Variants in ACAN observed in about 807,000 individuals in gnomAD.
ACAN encodes the protein aggrecan.
In ACAN, 47 loss-of-function variants were observed where a neutral mutation model predicts 169.1. That is an observed-to-expected ratio of 0.28 (90% CI 0.22 to 0.35). The LOEUF is 0.35. ACAN is among the 10% of genes least tolerant of loss of function. The pLI is 1.00. For missense variants in ACAN, 2,716 were observed against 2,759.9 expected, an observed-to-expected ratio of 0.98 and a Z score of 0.36; for synonymous variants, 1,115 against 1,112.2, an observed-to-expected ratio of 1.00 and a Z score of -0.05.
chr15:88,869,670 C>T lies in ACAN; in HGVS notation c.7060+1341C>T, dbSNP rs959673765. On this transcript the variant is annotated intron_variant, in intron 14 of 18. Transcript: ENST00000560601. The surrounding 1 kb of genome is among the most constrained non-coding windows in gnomAD (Gnocchi z 4.2). The stretch of plus-strand genomic sequence containing the variant: ...GGGCTCTGCTGGAATGGAGGCAGGA[C>T]CCTCACAGGGCTCTGTACCCTGATG... Among the ~76,000 whole-genome samples, 1 of 152,156 alleles carries T rather than the reference C, an allele frequency of 6.6e-6. No homozygotes were observed. Among genetic ancestry groups the T allele is most frequent in the African/African-American group, 2.4e-5 (1 of 41,428 alleles).
rs562539021 is a variant in ACAN at position 88,839,429 on chromosome 15, C to A, written c.454+383C>A. On this transcript the variant is annotated intron_variant, in intron 3 of 18. Transcript: ENST00000560601. This position sits in a 1 kb window ranked among gnomAD's most constrained non-coding sequence, Gnocchi z 4.5. Reference sequence around the variant, plus strand: ...TTCATCCTGGTGTCTTTTCCCTCCCCCTCTCCACTCTTATTCTCAGTTCCA... The same window carrying A: ...TTCATCCTGGTGTCTTTTCCCTCCCACTCTCCACTCTTATTCTCAGTTCCA... Among the ~76,000 whole-genome samples the A allele has an allele frequency of 6.6e-6, 1 of 152,204 alleles. No individual in the cohort carries two copies. The highest frequency in any genetic ancestry group is 6.5e-5 in the Admixed American group (1 of 15,290).
At chr15:88,842,466 G>A (rs1429729044) in intron 5 of ACAN, among the ~76,000 whole-genome samples, 1 of 151,842 alleles carries the variant, frequency 6.6e-6, no homozygotes, top group Non-Finnish European at 1.5e-5. Flanking sequence ...ATATTCCTTT[G>A]TACTTTCCAG....
rs1897345776 is a variant in ACAN, at chr15:88,870,035, C to T, written c.7061-1347C>T. ...TCTCTGGCCTCTTCAGAGTGCTGAG[C>T]TAGTCTGAGGCCTCTCCACCTCTTT... On this transcript the variant is annotated intron_variant, in intron 14 of 18. Transcript: ENST00000560601. This position sits in a 1 kb window ranked among gnomAD's most constrained non-coding sequence, Gnocchi z 6.3. Among the ~76,000 whole-genome samples the T allele has an allele frequency of 6.6e-6, 1 of 152,166 alleles. No homozygotes were observed. The highest frequency in any genetic ancestry group is 1.5e-5 in the Non-Finnish European group (1 of 68,034).
At chr15:88,815,412 A>G (rs1360560409) in intron 1 of ACAN, among the ~76,000 whole-genome samples, 1 of 151,998 alleles carries the variant, frequency 6.6e-6, no homozygotes, top group Non-Finnish European at 1.5e-5. Flanking sequence ...TATAAAAATT[A>G]ACTGGGTGAG....
At chr15:88,836,582 T>A (rs1055086859) in intron 2 of ACAN, among the ~76,000 whole-genome samples, 2 of 152,222 alleles carry the variant, frequency 1.3e-5, no homozygotes, top group African/African-American at 4.8e-5. Flanking sequence ...CAGTGAGGAC[T>A]GCTGCGCACT....
intron 1 of ACAN, among the ~76,000 whole-genome samples, chr15:88,832,404 G>C (rs908511097): frequency 6.6e-6 from 1 of 152,022 alleles, no homozygotes; most frequent in South Asian, 2.1e-4. Flanking sequence ...GAGGACAGGA[G>C]TTCGAGACCA....
rs1350259856 is a variant in ACAN at position 88,868,220 on chromosome 15, T to C, written c.6951T>C (p.Ile2317=). The part of the protein sequence containing the change: ...GYTGEHCNID[I]DECLSSPCLN... ...GTGGCCCTTGGTTTCTTGCAGACATTGATGAGTGCCTCTCAAGCCCTTGTC... is the reference window on the plus strand; with the variant it reads ...GTGGCCCTTGGTTTCTTGCAGACATCGATGAGTGCCTCTCAAGCCCTTGTC... Residue 2317 remains isoleucine, a synonymous_variant, in exon 14 of 19, where the codon ATT becomes ATC. Transcript: ENST00000560601. The surrounding 1 kb of genome is among the most constrained non-coding windows in gnomAD (Gnocchi z 5.2). 1 of 702,490 alleles carries C rather than the reference T, an allele frequency of 1.4e-6. No homozygotes were observed. Among genetic ancestry groups the C allele is most frequent in the African/African-American group, 1.7e-5 (1 of 57,366 alleles). The allele number at this position is 702,490 out of a possible 1,614,324, so 43.5% of individuals were successfully genotyped here.
At chr15:88,865,144 C>T (rs1414972567) in intron 13 of ACAN, among the ~76,000 whole-genome samples, 1 of 152,206 alleles carries the variant, frequency 6.6e-6, no homozygotes, top group Non-Finnish European at 1.5e-5. Context: ...GCTGGAGGGC[C>T]TTGTTCAGGA....
At chr15:88,828,409 C>T (rs181729350) in intron 1 of ACAN, among the ~76,000 whole-genome samples, 10 of 152,230 alleles carry the variant, frequency 6.6e-5, no homozygotes, top group Non-Finnish European at 1.5e-4. Flanking sequence ...CTCGCAGCTC[C>T]ACTACCCGAG....
rs1896723358 is a variant in ACAN, at chr15:88,843,655, C to A, written c.1051+7C>A. The A allele has an allele frequency of 6.4e-7, 1 of 1,560,410 alleles. No individual in the cohort carries two copies. The highest frequency in any genetic ancestry group is 8.7e-7 in the Non-Finnish European group (1 of 1,145,600). On this transcript the variant is annotated splice_region_variant and intron_variant, in intron 6 of 18. Coordinates refer to ENST00000560601, the MANE Select transcript of ACAN (RefSeq NM_001369268.1). This position sits in a 1 kb window ranked among gnomAD's most constrained non-coding sequence, Gnocchi z 4.0. ...GACGCCATCTGCTACACAGGTGGGG[C>A]ACGGCTGGTGGTGGGAAGGGAGTTC...
In ACAN at chr15:88,855,024, C is replaced by T. The variant is rs754184356; in HGVS notation, c.2439C>T (p.Pro813=). 5.0e-6 allele frequency: 8 copies of T among 1,593,236 alleles called. No individual in the cohort carries two copies. The highest frequency in any genetic ancestry group is 6.8e-6 in the Non-Finnish European group (8 of 1,171,264). ...CATTCCCCTCAGTGAGGCCATTCCC[C>T]TCAGTGGAGCTGTTCCCCTCAGAGG... ...EEPFPSVRPF[P]SVELFPSEEP... Residue 813 remains proline, a synonymous_variant, in exon 12 of 19, where the codon CCC becomes CCT. Coordinates refer to ENST00000560601, the MANE Select transcript of ACAN (RefSeq NM_001369268.1).
intron 1 of ACAN, among the ~76,000 whole-genome samples, chr15:88,817,335 G>C (rs563670139): frequency 4.4e-4 from 67 of 152,102 alleles, no homozygotes; most frequent in African/African-American, 1.6e-3. Flanking sequence ...GTAGAGGTAG[G>C]GTTTCACTGT....
Position 88,857,918 on chromosome 15 carries a change from A to C in ACAN, c.5333A>C (p.Gln1778Pro), listed in dbSNP as rs1897097362. Residue 1778 changes from glutamine (Q) to proline (P), a missense_variant, in exon 12 of 19, where the codon CAA (glutamine) becomes CCA (proline). By Grantham distance (76) the Gln-to-Pro change is moderately conservative. Around this residue, in one of 3 missense-constraint regions of ACAN, gnomAD observed 1,389 missense variants for 1,363.7 expected, o/e 1.02. Transcript: ENST00000560601. Reference sequence around the variant, plus strand: ...TCTGGAGTTCTTTATGGCACTAGTCAACCCTTTGGCATAACTGATCTGAGT... The same window carrying C: ...TCTGGAGTTCTTTATGGCACTAGTCCACCCTTTGGCATAACTGATCTGAGT... Reference protein sequence around the residue: ...EASGVLYGTSQPFGITDLSGE... With the variant: ...EASGVLYGTSPPFGITDLSGE... The C allele has an allele frequency of 1.2e-6, 2 of 1,613,736 alleles. No individual in the cohort carries two copies. Among genetic ancestry groups the C allele is most frequent in the Non-Finnish European group, 1.7e-6 (2 of 1,179,866 alleles).
rs1479458927 is a variant in ACAN, at chr15:88,838,886, T to G, written c.294T>G (p.Ser98Arg). 1.2e-6 allele frequency: 2 copies of G among 1,613,884 alleles called. No individual in the cohort carries two copies. Among genetic ancestry groups the G allele is most frequent in the South Asian group, 1.1e-5 (1 of 91,082 alleles). The change falls in exon 3 of 19, where the codon AGT (serine) becomes AGG (arginine). Residue 98 changes from serine (S) to arginine (R), a missense_variant. By Grantham distance (110) the Ser-to-Arg change is moderately radical. Transcript: ENST00000560601. The surrounding 1 kb of genome is among the most constrained non-coding windows in gnomAD (Gnocchi z 5.1). ...CTGAAGGGCGCGTGCGGGTCAACAG[T>G]GCCTATCAGGACAAGGTCTCACTGC... is the stretch of plus-strand genomic sequence containing the variant. The part of the protein sequence containing the change: ...VATEGRVRVN[S>R]AYQDKVSLPN...
At position 88,847,935 on chromosome 15, in the gene ACAN, C is replaced by T. The variant is rs758311816; in HGVS notation, c.1629C>T (p.Thr543=). 6.2e-7 allele frequency: 1 copy of T among 1,613,902 alleles called. No homozygotes were observed. The highest frequency in any genetic ancestry group is 1.1e-5 in the South Asian group (1 of 91,078). ...TVRYPIVSPR[T]PCVGDKDSSP... is the part of the protein sequence containing the mutation. ...GATACCCCATTGTGAGCCCCCGGAC[C>T]CCATGCGTGGGTGACAAGGACAGCA... Residue 543 remains threonine (T), a synonymous_variant, in exon 9 of 19, where the codon ACC becomes ACT. Coordinates refer to ENST00000560601, the MANE Select transcript of ACAN (RefSeq NM_001369268.1).
At chr15:88,829,433 T>C (rs1896304898) in intron 1 of ACAN, among the ~76,000 whole-genome samples, 2 of 152,230 alleles carry the variant, frequency 1.3e-5, no homozygotes, top group Admixed American at 6.5e-5. Context: ...CTGTTTAGAA[T>C]ATGTGGGAAG....
In ACAN at chr15:88,869,699, C is replaced by T. The variant is rs1161367309; in HGVS notation, c.7060+1370C>T. Among the ~76,000 whole-genome samples, 1 of 152,140 alleles carries T rather than the reference C, an allele frequency of 6.6e-6. No homozygotes were observed. The highest frequency in any genetic ancestry group is 2.4e-5 in the African/African-American group (1 of 41,428). On this transcript the variant is annotated intron_variant, in intron 14 of 18. Transcript: ENST00000560601. This position sits in a 1 kb window ranked among gnomAD's most constrained non-coding sequence, Gnocchi z 4.2. ...CACAGGGCTCTGTACCCTGATGGGG[C>T]AGAGAGATGGTGACAGAGCCACCCA...
In ACAN at chr15:88,851,389, AGAC is replaced by A; in HGVS notation, c.2027-404_2027-402del. ...TCTGGTACCAGATGCTTAAATTCAAAGACTAGATCTGACATTTGTAAGCCATTG... is the reference window on the plus strand; with the variant it reads ...TCTGGTACCAGATGCTTAAATTCAAATAGATCTGACATTTGTAAGCCATTG... On this transcript the variant is annotated intron_variant, in intron 10 of 18. Coordinates refer to ENST00000560601, the MANE Select transcript of ACAN (RefSeq NM_001369268.1). The surrounding 1 kb of genome is among the most constrained non-coding windows in gnomAD (Gnocchi z 4.3). The A allele has an allele frequency of 6.1e-6, 1 of 164,692 alleles. No homozygotes were observed. The allele number at this position is 164,692 out of a possible 1,614,324, so 10.2% of individuals were successfully genotyped here.
chr15:88,844,072 C>CT (rs1181672153), intron 6 of ACAN, among the ~76,000 whole-genome samples: 1 of 152,102 alleles, frequency 6.6e-6, no homozygotes, highest in Admixed American at 6.5e-5. Flanking sequence ...GAGGGTGCTG[C>CT]TATCTGCCTT....
Sources: allele counts gnomAD v4.1 joint callset (sites outside exome capture counted in the v4.1 genomes callset), GRCh38; gene constraint gnomAD v4.1.1; regional missense constraint gnomAD v4.1.1; non-coding constraint Gnocchi (gnomAD v3.1); transcripts MANE v1.5; gene names NCBI Gene and HGNC (gene_info 2026-07-23, HGNC 2026-07-21).